Variants in SLC17A1 observed in about 807,000 individuals in gnomAD.
SLC17A1 encodes sodium-dependent phosphate transport protein 1.
SLC17A1 carries 51 observed loss-of-function variants against 53.5 expected under a neutral mutation model. The observed-to-expected ratio is 0.95, with a 90% CI of 0.76 to 1.20. SLC17A1 has a LOEUF of 1.20. Among genes scored for constraint, SLC17A1 ranks in the 50% most tolerant of loss-of-function variants. SLC17A1 has a pLI of 0.00. For missense variants in SLC17A1, 538 were observed against 568.2 expected, an observed-to-expected ratio of 0.95 and a Z score of 0.54; for synonymous variants, 179 against 198.8, an observed-to-expected ratio of 0.90 and a Z score of 0.84.
chr6:25,725,182 C>G, the SLC17A1 span, among the ~76,000 whole-genome samples: 1 of 152,180 alleles, frequency 6.6e-6, no homozygotes, highest in African/African-American at 2.4e-5. Context: ...CTCTTTTCAA[C>G]AGTCAAAACT....
In SLC17A1 at chr6:25,813,138, C is replaced by T; in HGVS notation, c.692G>A (p.Ser231Asn). The T allele has an allele frequency of 4.3e-6, 7 of 1,614,126 alleles. 1 individual carries two copies. The South Asian group carries it at 6.6e-5, about 15-fold the overall frequency. Reference protein sequence around the residue: ...YDDPKDHPCISISEKEYITSS... With the variant: ...YDDPKDHPCINISEKEYITSS... Reference sequence around the variant, plus strand: ...TGTGATGTATTCCTTTTCACTGATGCTTATACATGGGTGGTCTTTGGGGTC... The same window carrying T: ...TGTGATGTATTCCTTTTCACTGATGTTTATACATGGGTGGTCTTTGGGGTC... The change falls in exon 7 of 13, where the codon AGC (serine) becomes AAC (asparagine). Residue 231 changes from serine (S) to asparagine (N), a missense_variant. Coordinates refer to ENST00000244527, the MANE Select transcript of SLC17A1 (RefSeq NM_005074.5).
chr6:25,770,374 T>C, the SLC17A1 span: 2 of 1,614,130 alleles, frequency 1.2e-6, no homozygotes, highest in Non-Finnish European at 1.7e-6. Flanking sequence ...AATGGAATTT[T>C]TCCCCCCAGG....
chr6:25,731,798 G>T, the SLC17A1 span: 1 of 1,596,618 alleles, frequency 6.3e-7, no homozygotes, highest in Non-Finnish European at 8.6e-7. Context: ...TGGAGCTAGT[G>T]TACTTGGTGA....
At chr6:25,728,762 C>G in the SLC17A1 span, among the ~76,000 whole-genome samples, 1 of 152,130 alleles carries the variant, frequency 6.6e-6, no homozygotes, top group Admixed American at 6.5e-5. Flanking sequence ...TGCAGTGAGC[C>G]GAGATCGCCC....
At chr6:25,820,428 T>G (rs1273879532) in intron 3 of SLC17A1, among the ~76,000 whole-genome samples, 1 of 152,162 alleles carries the variant, frequency 6.6e-6, no homozygotes, top group Non-Finnish European at 1.5e-5. Context: ...CCATGAAGAA[T>G]TCTCAGACTG....
chr6:25,831,349 CA>C (rs1764940582), intron 1 of SLC17A1, among the ~76,000 whole-genome samples: 1 of 152,112 alleles, frequency 6.6e-6, no homozygotes, highest in Non-Finnish European at 1.5e-5. Context: ...CCAAAGATAC[CA>C]AAGTCCTGAG....
the SLC17A1 span, among the ~76,000 whole-genome samples, chr6:25,756,094 G>C: frequency 2.6e-5 from 4 of 152,206 alleles, no homozygotes; most frequent in East Asian, 7.7e-4. Flanking sequence ...GTCCTTTACA[G>C]CCCATGTGCC....
chr6:25,759,776 G>T, the SLC17A1 span, among the ~76,000 whole-genome samples: 1 of 150,450 alleles, frequency 6.6e-6, no homozygotes, highest in Non-Finnish European at 1.5e-5. Context: ...TAGATGTTAG[G>T]TGAATCTCTT....
At chr6:25,773,731 C>T in the SLC17A1 span, 1 of 1,559,890 alleles carries the variant, frequency 6.4e-7, no homozygotes, top group East Asian at 2.2e-5. Context: ...ATAATGAGAG[C>T]TCATATATAA....
chr6:25,770,935 T>C, the SLC17A1 span: 16 of 1,613,688 alleles, frequency 9.9e-6, no homozygotes, highest in Non-Finnish European at 1.3e-5. Context: ...GGGTCAATGC[T>C]GGGGTCCTTC....
chr6:25,796,071 G>T (rs1185130037), intron 12 of SLC17A1, among the ~76,000 whole-genome samples: 1 of 152,084 alleles, frequency 6.6e-6, no homozygotes, highest in Non-Finnish European at 1.5e-5. Flanking sequence ...TGTTCTCATA[G>T]CTGTGCCCCA....
chr6:25,784,152 C>T (rs574073919), intron 12 of SLC17A1, among the ~76,000 whole-genome samples: 3 of 152,172 alleles, frequency 2.0e-5, no homozygotes, highest in African/African-American at 7.2e-5. Context: ...TCTGGGTTTT[C>T]CAGTGGAAAC....
the SLC17A1 span, among the ~76,000 whole-genome samples, chr6:25,737,828 T>C: frequency 2.0e-5 from 3 of 152,234 alleles, no homozygotes; most frequent in South Asian, 2.1e-4. Flanking sequence ...TCCTACATTA[T>C]ATAAATTGTT....
intron 12 of SLC17A1, among the ~76,000 whole-genome samples, chr6:25,787,133 G>A (rs1353479893): frequency 6.6e-6 from 1 of 152,000 alleles, no homozygotes; most frequent in Non-Finnish European, 1.5e-5. Context: ...TCTTCACTGA[G>A]CAGGTTTGAA....
At chr6:25,821,145 A>T (rs1231810718) in intron 3 of SLC17A1, among the ~76,000 whole-genome samples, 1 of 152,226 alleles carries the variant, frequency 6.6e-6, no homozygotes, top group African/African-American at 2.4e-5. Flanking sequence ...CTGAATAAAC[A>T]GTGAATGTGC....
At chr6:25,808,563 A>G (rs372091150) in intron 10 of SLC17A1, among the ~76,000 whole-genome samples, 7 of 152,026 alleles carry the variant, frequency 4.6e-5, no homozygotes, top group African/African-American at 7.2e-5. Context: ...ACAACAAAAT[A>G]TAAATAACCA....
intron 2 of SLC17A1, among the ~76,000 whole-genome samples, chr6:25,829,854 A>G (rs569074796): frequency 3.2e-4 from 48 of 152,336 alleles, no homozygotes; most frequent in Non-Finnish European, 6.0e-4. Flanking sequence ...AAGGGCAGAA[A>G]TGAATAATAT....
chr6:25,760,825 G>A, the SLC17A1 span, among the ~76,000 whole-genome samples: 1 of 151,826 alleles, frequency 6.6e-6, no homozygotes, highest in Non-Finnish European at 1.5e-5. Flanking sequence ...ATTCTTTTTG[G>A]TATCTTTTTA....
At chr6:25,805,441 C>T (rs571451837) in intron 10 of SLC17A1, among the ~76,000 whole-genome samples, 1 of 151,994 alleles carries the variant, frequency 6.6e-6, no homozygotes, top group East Asian at 1.9e-4. Flanking sequence ...CACAAATTGA[C>T]AACCTAATGT....
Sources: allele counts gnomAD v4.1 joint callset (sites outside exome capture counted in the v4.1 genomes callset), GRCh38; gene constraint gnomAD v4.1.1; transcripts MANE v1.5; gene names NCBI Gene and HGNC (gene_info 2026-07-23, HGNC 2026-07-21).